Variants in PLCH1 observed in about 807,000 individuals in gnomAD.
PLCH1 encodes the protein phospholipase C eta 1.
PLCH1 carries 60 observed loss-of-function variants against 126.7 expected under a neutral mutation model. The observed-to-expected ratio is 0.47, with a 90% CI of 0.38 to 0.59. The LOEUF (loss-of-function observed/expected upper bound fraction) is 0.59. Among genes scored for constraint, PLCH1 ranks in the 20% least tolerant of loss-of-function variants. The pLI, the probability that PLCH1 is intolerant of heterozygous loss-of-function variation, is 0.00. For synonymous variants in PLCH1, 719 were observed against 734.9 expected (o/e 0.98, Z 0.35); for missense variants, 1,723 against 2,040.0 (o/e 0.84, Z 2.99).
chr3:155,496,582 T>TA (rs1717069681), intron 15 of PLCH1, among the ~76,000 whole-genome samples: 1 of 152,180 alleles, frequency 6.6e-6, no homozygotes, highest in African/African-American at 2.4e-5. Context: ...TGTTTTCCCT[T>TA]CACTAAAACT....
intron 11 of PLCH1, among the ~76,000 whole-genome samples, chr3:155,517,338 G>A (rs1720478273): frequency 6.6e-6 from 1 of 152,130 alleles, no homozygotes; most frequent in Admixed American, 6.5e-5. Context: ...AGTTTCCTGT[G>A]ACCAATTTAA....
At chr3:155,546,241 A>G (rs1230658903) in intron 10 of PLCH1, among the ~76,000 whole-genome samples, 1 of 152,200 alleles carries the variant, frequency 6.6e-6, no homozygotes, top group South Asian at 2.1e-4. Context: ...CTATACACCA[A>G]TAACAGACAA....
chr3:155,668,682 C>T (rs1461228164), intron 2 of PLCH1, among the ~76,000 whole-genome samples: 1 of 152,046 alleles, frequency 6.6e-6, no homozygotes, highest in Non-Finnish European at 1.5e-5. Flanking sequence ...CACCTGAGGT[C>T]GGGAGTTCAA....
intron 2 of PLCH1, among the ~76,000 whole-genome samples, chr3:155,605,984 G>A (rs1238713134): frequency 6.6e-6 from 1 of 152,102 alleles, no homozygotes; most frequent in African/African-American, 2.4e-5. Context: ...AAAAAAGAAG[G>A]CTTAAAAGCC....
At chr3:155,512,670 G>A (rs907590167) in intron 12 of PLCH1, among the ~76,000 whole-genome samples, 2 of 152,206 alleles carry the variant, frequency 1.3e-5, no homozygotes, top group Non-Finnish European at 2.9e-5. Context: ...GTGTGCACGT[G>A]TGGACTCCTA....
At chr3:155,736,135 G>T (rs1749163177) in intron 1 of PLCH1, among the ~76,000 whole-genome samples, 1 of 152,206 alleles carries the variant, frequency 6.6e-6, no homozygotes, top group Non-Finnish European at 1.5e-5. Flanking sequence ...AATTGGTCCT[G>T]ATTCAGGTTT....
At chr3:155,647,543 T>C (rs1326264995) in intron 2 of PLCH1, among the ~76,000 whole-genome samples, 2 of 151,760 alleles carry the variant, frequency 1.3e-5, no homozygotes, top group Non-Finnish European at 2.9e-5. Flanking sequence ...AGAAAAAAGA[T>C]CCACAAAGAG....
At chr3:155,552,304 C>T (rs942357301) in intron 9 of PLCH1, among the ~76,000 whole-genome samples, 4 of 152,180 alleles carry the variant, frequency 2.6e-5, no homozygotes, top group Non-Finnish European at 5.9e-5. Context: ...AGAGATTGCT[C>T]ATATTTTCAG....
intron 10 of PLCH1, among the ~76,000 whole-genome samples, chr3:155,545,299 A>G (rs1332728904): frequency 4.6e-5 from 7 of 151,870 alleles, no homozygotes; most frequent in Admixed American, 3.9e-4. Flanking sequence ...AGAAATGGAT[A>G]AATTCCTCGA....
chr3:155,652,835 T>A (rs1740866796), intron 2 of PLCH1, among the ~76,000 whole-genome samples: 1 of 152,186 alleles, frequency 6.6e-6, no homozygotes, highest in Non-Finnish European at 1.5e-5. Flanking sequence ...TATTCTGCCA[T>A]CATCCCTGGC....
At chr3:155,730,987 T>G (rs1748729141) in intron 1 of PLCH1, among the ~76,000 whole-genome samples, 1 of 152,174 alleles carries the variant, frequency 6.6e-6, no homozygotes, top group South Asian at 2.1e-4. Context: ...AACCATGGAC[T>G]GAGCCTCCAG....
chr3:155,503,970 G>T (rs1718287899), intron 13 of PLCH1, among the ~76,000 whole-genome samples: 1 of 152,246 alleles, frequency 6.6e-6, no homozygotes, highest in South Asian at 2.1e-4. Flanking sequence ...TAGTGTTTGA[G>T]AATTCAACTG....
At chr3:155,706,175 A>C (rs1421319560) in intron 1 of PLCH1, among the ~76,000 whole-genome samples, 1 of 85,012 alleles carries the variant, frequency 1.2e-5, no homozygotes, top group Non-Finnish European at 2.3e-5. Flanking sequence ...TCTATCTCAA[A>C]AAAAAAAAAA....
rs1716638270 is a variant in PLCH1, at chr3:155,494,020, A to C, written c.2182+121T>G. The stretch of plus-strand genomic sequence containing the variant: ...CACCTTAACCTATCTTTTTGAAAAA[A>C]AAAAGTTGAAAAACTCTGGGGTATC... On this transcript the variant is annotated intron_variant, in intron 17 of 22. Coordinates refer to ENST00000460012, the MANE Select transcript of PLCH1 (RefSeq NM_014996.4). 4.8e-5 allele frequency: 34 copies of C among 711,330 alleles called. No individual in the cohort carries two copies. The South Asian group carries it at 6.1e-4, about 13-fold the overall frequency. The allele number at this position is 711,330 out of a possible 1,614,324, so 44.1% of individuals were successfully genotyped here. A position where few individuals can be genotyped will look rare whatever the true frequency, so the allele number is the denominator to read the frequency against.
chr3:155,652,370 A>G (rs1250050223), intron 2 of PLCH1, among the ~76,000 whole-genome samples: 1 of 152,218 alleles, frequency 6.6e-6, no homozygotes, highest in Non-Finnish European at 1.5e-5. Flanking sequence ...ATTATTATCC[A>G]CCAGAGTTCT....
At chr3:155,685,060 A>G (rs779530768) in intron 2 of PLCH1, among the ~76,000 whole-genome samples, 4 of 152,194 alleles carry the variant, frequency 2.6e-5, no homozygotes, top group Non-Finnish European at 5.9e-5. Context: ...CAGGGCCTAG[A>G]ACGGACCAGA....
chr3:155,483,163 G>T, intron 22 of PLCH1, 112 bp from the exon 23 acceptor site: 1 of 1,045,580 alleles, frequency 9.6e-7, no homozygotes, highest in Non-Finnish European at 1.4e-6. Flanking sequence ...GTTACACTGT[G>T]ACAGAATATA....
In PLCH1 at chr3:155,734,732, A is replaced by G. The variant is rs1234845151; in HGVS notation, c.-41+10108T>C. 1.1e-4 allele frequency among the ~76,000 whole-genome samples: 17 copies of G among 148,266 alleles called. 1 individual carries two copies. In the South Asian group the frequency reaches 3.0e-3, roughly 26 times the overall value. On this transcript the variant is annotated intron_variant, in intron 1 of 22. Transcript: ENST00000460012. ...TTTCTTTTTTTTTTTTTTTTGAGAC[A>G]GAGTCTCGCTCTGTCGCCCAGGCTG...
chr3:155,536,775 C>T (rs561630578), intron 10 of PLCH1, among the ~76,000 whole-genome samples: 77 of 152,152 alleles, frequency 5.1e-4, no homozygotes, highest in Non-Finnish European at 8.8e-4. Context: ...AGGAAAATTT[C>T]CCTGGCTTTG....
Sources: gnomAD v4.1 joint callset for allele counts (sites outside exome capture counted in the v4.1 genomes callset) on GRCh38, gnomAD v4.1.1 for gene constraint, MANE v1.5 for transcripts, NCBI Gene and HGNC (gene_info 2026-07-23, HGNC 2026-07-21) for gene names.